Variants in DAB1 observed in about 807,000 individuals in gnomAD.
DAB1 encodes the protein DAB adaptor protein 1.
In DAB1, 15 loss-of-function variants were observed where a neutral mutation model predicts 64.6. The ratio of observed to expected loss-of-function variants is 0.23; its 90% CI spans 0.16 to 0.36. The LOEUF (loss-of-function observed/expected upper bound fraction) is 0.36. Among genes scored for constraint, DAB1 ranks in the 10% least tolerant of loss-of-function variants. The pLI is 1.00. For synonymous variants in DAB1, 235 were observed against 251.9 expected, an observed-to-expected ratio of 0.93 and a Z score of 0.64; for missense variants, 596 against 706.7, an observed-to-expected ratio of 0.84 and a Z score of 1.78.
intron 5 of DAB1, among the ~76,000 whole-genome samples, chr1:57,894,245 C>A (rs1368879830): frequency 6.6e-6 from 1 of 152,194 alleles, no homozygotes; most frequent in Non-Finnish European, 1.5e-5. Flanking sequence ...AACATTCACT[C>A]CTGCTCTACA....
chr1:58,532,284 T>C (rs1472300044), intron 1 of DAB1, among the ~76,000 whole-genome samples: 3 of 152,192 alleles, frequency 2.0e-5, no homozygotes, highest in African/African-American at 7.2e-5. Context: ...AAGGCTGCTG[T>C]TTGCTTTTTA....
At chr1:57,822,125 T>C (rs1344756982), downstream of DAB1, among the ~76,000 whole-genome samples, 2 of 152,206 alleles carry the variant, frequency 1.3e-5, no homozygotes, top group Non-Finnish European at 2.9e-5. Flanking sequence ...ACATATACAA[T>C]GTACACAAAA....
chr1:57,888,623 CTAAT>C (rs1350875586), upstream of DAB1, among the ~76,000 whole-genome samples: 6 of 152,134 alleles, frequency 3.9e-5, no homozygotes, highest in African/African-American at 9.7e-5. Flanking sequence ...ACCTTGATGA[CTAAT>C]TGATAGATAA....
chr1:57,393,450 T>A (rs1371128247), intron 1 of DAB1, among the ~76,000 whole-genome samples: 2 of 152,088 alleles, frequency 1.3e-5, no homozygotes, highest in Admixed American at 6.6e-5. Context: ...CGTAGCACTT[T>A]GGGAGATGGA....
Position 58,123,862 on chromosome 1 carries a change from G to C in DAB1, n.387+26649C>G, listed in dbSNP as rs539003545. 1.8e-4 allele frequency among the ~76,000 whole-genome samples: 27 copies of C among 152,262 alleles called. 1 individual carries two copies. The South Asian group carries it at 5.4e-3, about 30-fold the overall frequency. ...TAATCATTTATAAGACTCAGGCTTT[G>C]CAGTTATATATGTGAGAGGAAGACA... On this transcript the variant is annotated intron_variant and non_coding_transcript_variant, in intron 5 of 20. Transcript: ENST00000485760.
At chr1:57,835,524 C>T (rs1215403070) in intron 1 of DAB1, among the ~76,000 whole-genome samples, 1 of 152,052 alleles carries the variant, frequency 6.6e-6, no homozygotes, top group Non-Finnish European at 1.5e-5. Context: ...AACAGGGGAC[C>T]AGAGAGTCCA....
At chr1:57,261,211 A>G (rs1310044832) in intron 2 of DAB1, among the ~76,000 whole-genome samples, 1 of 152,126 alleles carries the variant, frequency 6.6e-6, no homozygotes, top group African/African-American at 2.4e-5. Context: ...AAACACGGTC[A>G]CGGTGTTTCT....
intron 5 of DAB1, among the ~76,000 whole-genome samples, chr1:57,956,488 G>T (rs1645396611): frequency 6.6e-6 from 1 of 152,168 alleles, no homozygotes; most frequent in Non-Finnish European, 1.5e-5. Flanking sequence ...TTTATCCAGA[G>T]GCTTTAAAGG....
intron 7 of DAB1, among the ~76,000 whole-genome samples, chr1:57,550,023 C>T (rs562074963): frequency 2.0e-5 from 3 of 152,202 alleles, no homozygotes; most frequent in African/African-American, 7.2e-5. Context: ...CCTCAATGAA[C>T]AGAAATATGA....
At chr1:57,743,714 G>A (rs1343544299) in intron 6 of DAB1, among the ~76,000 whole-genome samples, 1 of 152,206 alleles carries the variant, frequency 6.6e-6, no homozygotes, top group Non-Finnish European at 1.5e-5. Flanking sequence ...TAACCCAGCG[G>A]CGCTAGAGGA....
intron 3 of DAB1, among the ~76,000 whole-genome samples, chr1:58,356,888 G>T (rs968927476): frequency 1.3e-5 from 2 of 151,914 alleles, no homozygotes; most frequent in Non-Finnish European, 2.9e-5. Flanking sequence ...AGCTGGGAAT[G>T]GTGGTGCATG....
At chr1:57,386,502 T>C (rs1399832993) in intron 1 of DAB1, 2 of 151,914 alleles carry the variant, frequency 1.3e-5, no homozygotes. Flanking sequence ...TGAGACTGAA[T>C]AGAACCCATT....
At chr1:57,619,646 C>T (rs1276374318) in intron 7 of DAB1, among the ~76,000 whole-genome samples, 1 of 152,148 alleles carries the variant, frequency 6.6e-6, no homozygotes, top group Non-Finnish European at 1.5e-5. Flanking sequence ...AAGTGTTTCT[C>T]CCCGCTTGGC....
At chr1:57,153,625 T>G (rs998556688) in intron 2 of DAB1, among the ~76,000 whole-genome samples, 783 of 71,614 alleles carry the variant, frequency 0.011, 8 homozygotes, top group African/African-American at 0.071. Context: ...TGTATGGGGT[T>G]TTTTTTTTGT....
At chr1:58,084,848 G>A (rs1311044082) in intron 5 of DAB1, among the ~76,000 whole-genome samples, 1 of 151,258 alleles carries the variant, frequency 6.6e-6, no homozygotes, top group East Asian at 1.9e-4. Context: ...TATACAAATT[G>A]GATAAACATG....
chr1:57,990,571 T>C (rs1267573228), intron 5 of DAB1, among the ~76,000 whole-genome samples: 3 of 152,194 alleles, frequency 2.0e-5, no homozygotes, highest in Non-Finnish European at 4.4e-5. Flanking sequence ...GGGAGGGGCC[T>C]GACACAGGTC....
intron 5 of DAB1, among the ~76,000 whole-genome samples, chr1:57,893,207 G>A (rs1644343168): frequency 6.6e-6 from 1 of 152,052 alleles, no homozygotes; most frequent in South Asian, 2.1e-4. Context: ...GGGCAGATAT[G>A]AATAGCTCTG....
At chr1:57,529,029 G>C (rs1232274178) in intron 7 of DAB1, among the ~76,000 whole-genome samples, 1 of 151,512 alleles carries the variant, frequency 6.6e-6, no homozygotes. Context: ...CATATAGAAG[G>C]GTATATAACA....
intron 2 of DAB1, among the ~76,000 whole-genome samples, chr1:57,183,293 G>T (rs186352492): frequency 3.3e-5 from 5 of 152,272 alleles, no homozygotes; most frequent in African/African-American, 1.2e-4. Flanking sequence ...GCAGAGAAAG[G>T]CTTAGATACT....
Sources: gnomAD v4.1 joint callset for allele counts (sites outside exome capture counted in the v4.1 genomes callset) on GRCh38, gnomAD v4.1.1 for gene constraint, MANE v1.5 for transcripts, NCBI Gene and HGNC (gene_info 2026-07-23, HGNC 2026-07-21) for gene names.